The following UBOX5 variants were observed in gnomAD, a reference collection of about 807,000 sequenced individuals.
UBOX5 encodes the protein U-box domain containing 5.
UBOX5 carries 28 observed loss-of-function variants against 39.0 expected under a neutral mutation model. That is an observed-to-expected ratio of 0.72 (90% CI 0.53 to 0.98). The LOEUF (loss-of-function observed/expected upper bound fraction) is 0.98. UBOX5 is among the 50% of genes least tolerant of loss of function. The probability of loss-of-function intolerance (pLI) is 0.00; values close to 1 mark genes in which losing one functional copy is unlikely to be tolerated. For synonymous variants in UBOX5, 283 were observed against 275.5 expected (o/e 1.03, Z -0.27); for missense variants, 585 against 674.4 (o/e 0.87, Z 1.47).
At chr20:3,124,455 C>T (rs1383016965) in intron 1 of UBOX5, among the ~76,000 whole-genome samples, 4 of 152,184 alleles carry the variant, frequency 2.6e-5, no homozygotes, top group Non-Finnish European at 5.9e-5. Flanking sequence ...AGTGCAGTGG[C>T]GTGATCTCGG....
In UBOX5 at chr20:3,149,173, A is replaced by C. The variant is rs903907586; in HGVS notation, c.-42+10593T>G. 1 of 1,326,538 alleles carries C rather than the reference A, an allele frequency of 7.5e-7. No homozygotes were observed. Among genetic ancestry groups the C allele is most frequent in the Non-Finnish European group, 1.0e-6 (1 of 973,928 alleles). The allele number at this position is 1,326,538 out of a possible 1,614,324, so 82.2% of individuals were successfully genotyped here. The stretch of plus-strand genomic sequence containing the variant: ...GGTGCTTGATTAGAGCTGGACGGGG[A>C]GGTGTTCCACAAAAACTGCCTGGAA... On this transcript the variant is annotated intron_variant, in intron 1 of 4. Coordinates refer to ENST00000217173, the MANE Select transcript of UBOX5 (RefSeq NM_014948.4). The surrounding 1 kb of genome is among the most constrained non-coding windows in gnomAD (Gnocchi z 4.1).
chr20:3,125,229 C>G (rs2148598179), intron 1 of UBOX5, among the ~76,000 whole-genome samples: 1 of 146,022 alleles, frequency 6.8e-6, no homozygotes, highest in South Asian at 2.2e-4. Context: ...TGGCAGCCAC[C>G]CCATCTGGGA....
At chr20:3,143,853 G>A (rs2066538826) in intron 1 of UBOX5, among the ~76,000 whole-genome samples, 1 of 152,148 alleles carries the variant, frequency 6.6e-6, no homozygotes, top group Non-Finnish European at 1.5e-5. Flanking sequence ...CAGCTACTTG[G>A]GAGGCTGAGG....
chr20:3,127,387 T>C (rs571223355), intron 1 of UBOX5, among the ~76,000 whole-genome samples: 1 of 152,348 alleles, frequency 6.6e-6, no homozygotes, highest in Admixed American at 6.5e-5. Flanking sequence ...AGATCTGTCA[T>C]GGGCCTTGTA....
rs1182815999 is a variant in UBOX5, at chr20:3,107,758, C to T, written c.*2348G>A. 6.6e-6 allele frequency: 1 copy of T among 152,170 alleles called. No individual in the cohort carries two copies. Among genetic ancestry groups the T allele is most frequent in the Non-Finnish European group, 1.5e-5 (1 of 68,052 alleles). 9.4% of individuals were successfully genotyped at this position (152,170 alleles called of 1,614,324 possible). A position where few individuals can be genotyped will look rare whatever the true frequency, so the allele number is the denominator to read the frequency against. ...GTACCCAGGACAGGGCCTGCCACTC[C>T]AGGGGCTCCCAGGCTGGATTTTCCA... On this transcript the variant is annotated 3_prime_UTR_variant, in exon 5 of 5. Transcript: ENST00000217173. This position sits in a 1 kb window ranked among gnomAD's most constrained non-coding sequence, Gnocchi z 5.0.
At chr20:3,157,972 T>C (rs991838815) in intron 1 of UBOX5, among the ~76,000 whole-genome samples, 4 of 152,050 alleles carry the variant, frequency 2.6e-5, no homozygotes, top group African/African-American at 9.7e-5. Context: ...CTCCGCTCAC[T>C]GCATCCTCGA....
At chr20:3,142,232 T>C (rs900997879) in intron 1 of UBOX5, among the ~76,000 whole-genome samples, 1 of 147,786 alleles carries the variant, frequency 6.8e-6, no homozygotes, top group Non-Finnish European at 1.5e-5. Flanking sequence ...GAGGCCAAGG[T>C]GGGCAGATCA....
chr20:3,118,206 C>T (rs1353661533), intron 3 of UBOX5, among the ~76,000 whole-genome samples: 2 of 151,648 alleles, frequency 1.3e-5, no homozygotes, highest in African/African-American at 4.8e-5. Flanking sequence ...GGCACTATCG[C>T]TCATGCCTGT....
intron 3 of UBOX5, 38 bp from the exon 4 acceptor site, chr20:3,115,504 G>C: frequency 6.4e-7 from 1 of 1,570,782 alleles, no homozygotes. Flanking sequence ...TCCAGAGACA[G>C]GCTCCGCAAA....
Position 3,128,706 on chromosome 20 carries a change from TAAAA to T in UBOX5, c.-41-5304_-41-5301del, listed in dbSNP as rs529754958. On this transcript the variant is annotated intron_variant, in intron 1 of 4. Transcript: ENST00000217173. ...GCAAGACCCCGTCTCTACAAAAAAATAAAAAGATTAGTTAGGTGTGGTAGCACAC... is the reference window on the plus strand; with the variant it reads ...GCAAGACCCCGTCTCTACAAAAAAATAGATTAGTTAGGTGTGGTAGCACAC... 1.1e-4 allele frequency among the ~76,000 whole-genome samples: 17 copies of T among 151,942 alleles called. 1 individual carries two copies. The East Asian group carries it at 3.3e-3, about 29-fold the overall frequency.
At position 3,109,790 on chromosome 20, in the gene UBOX5, C is replaced by T. The variant is rs1053647916; in HGVS notation, c.*316G>A. On this transcript the variant is annotated 3_prime_UTR_variant, in exon 5 of 5. Coordinates refer to ENST00000217173, the MANE Select transcript of UBOX5 (RefSeq NM_014948.4). ...GTGCCCTGCTGGACAGGGGGGTATG[C>T]GGACTGCACGGGGGGGCCCTCAGCA... The T allele has an allele frequency of 4.0e-5, 16 of 403,876 alleles. No individual in the cohort carries two copies. Among genetic ancestry groups the T allele is most frequent in the African/African-American group, 2.0e-4 (10 of 48,928 alleles). The allele number at this position is 403,876 out of a possible 1,614,324, so 25.0% of individuals were successfully genotyped here. A position where few individuals can be genotyped will look rare whatever the true frequency, so the allele number is the denominator to read the frequency against.
intron 3 of UBOX5, among the ~76,000 whole-genome samples, chr20:3,119,909 G>A (rs1278393741): frequency 6.6e-6 from 1 of 152,058 alleles, no homozygotes; most frequent in Non-Finnish European, 1.5e-5. Flanking sequence ...AGCTTGCCCT[G>A]AGGTATTCAC....
chr20:3,130,110 G>A lies in UBOX5; in HGVS notation c.-41-6704C>T, dbSNP rs147820255. On this transcript the variant is annotated intron_variant, in intron 1 of 4. Coordinates refer to ENST00000217173, the MANE Select transcript of UBOX5 (RefSeq NM_014948.4). ...TAGCTGGGCATGGTGGCATGTGTCC[G>A]TAGTCCCAGCTACTCAGGAGTATGG... is the stretch of plus-strand genomic sequence containing the variant. Among the ~76,000 whole-genome samples, 12 of 152,034 alleles carry A rather than the reference G, an allele frequency of 7.9e-5. No homozygotes were observed. The East Asian group carries it at 1.2e-3, about 15-fold the overall frequency.
intron 1 of UBOX5, among the ~76,000 whole-genome samples, chr20:3,128,122 A>G (rs2066403973): frequency 6.6e-6 from 1 of 152,242 alleles, no homozygotes; most frequent in African/African-American, 2.4e-5. Context: ...TCTCCACGAT[A>G]AGTAAAAACA....
At chr20:3,113,070 T>C (rs1429536811) in intron 4 of UBOX5, among the ~76,000 whole-genome samples, 2 of 149,802 alleles carry the variant, frequency 1.3e-5, no homozygotes, top group African/African-American at 4.9e-5. Context: ...GGTCAGGAGT[T>C]CGAGACCAGC....
chr20:3,148,959 G>C, intron 1 of UBOX5: 1 of 1,614,202 alleles, frequency 6.2e-7, no homozygotes, highest in South Asian at 1.1e-5. Context: ...TGTCCCCCAT[G>C]CTGTGTGCTG....
chr20:3,148,930 A>C (rs2066597035), intron 1 of UBOX5: 1 of 1,614,170 alleles, frequency 6.2e-7, no homozygotes, highest in Non-Finnish European at 8.5e-7. Flanking sequence ...GGCAGAGGCT[A>C]ATGTGTTCTG....
intron 1 of UBOX5, among the ~76,000 whole-genome samples, chr20:3,141,577 C>T (rs770183403): frequency 1.3e-5 from 2 of 151,948 alleles, no homozygotes; most frequent in African/African-American, 2.4e-5. Flanking sequence ...ACCCGGGAGG[C>T]GGAGGTTGTG....
rs541816172 is a variant in UBOX5, at chr20:3,131,860, T to C, written c.-41-8454A>G. On this transcript the variant is annotated intron_variant, in intron 1 of 4. Coordinates refer to ENST00000217173, the MANE Select transcript of UBOX5 (RefSeq NM_014948.4). ...CCCATCTCTATTAAAGATAAAAAAT[T>C]AGCCGGGCAAGGTGGCGGGCACCTG... is the stretch of plus-strand genomic sequence containing the variant. Among the ~76,000 whole-genome samples the C allele has an allele frequency of 2.0e-5, 3 of 151,590 alleles. No homozygotes were observed. The South Asian group carries it at 6.2e-4, about 32-fold the overall frequency.
Sources: gnomAD v4.1 joint callset for allele counts (sites outside exome capture counted in the v4.1 genomes callset) on GRCh38, gnomAD v4.1.1 for gene constraint, Gnocchi (gnomAD v3.1) non-coding constraint, MANE v1.5 for transcripts, NCBI Gene and HGNC (gene_info 2026-07-23, HGNC 2026-07-21) for gene names.